The following RALGAPA1 variants were observed in gnomAD, a reference collection of about 807,000 sequenced individuals.
RALGAPA1 encodes Ral GTPase activating protein catalytic subunit alpha 1, also known as ral GTPase-activating protein subunit alpha-1.
Under a neutral mutation model 269.6 loss-of-function variants are expected in RALGAPA1, and 52 were observed. That is an observed-to-expected ratio of 0.19 (90% CI 0.15 to 0.24). The LOEUF (loss-of-function observed/expected upper bound fraction) is 0.24. Among genes scored for constraint, RALGAPA1 ranks in the 10% least tolerant of loss-of-function variants. The pLI is 1.00. For synonymous variants in RALGAPA1, 817 were observed against 1,008.3 expected, an observed-to-expected ratio of 0.81 and a Z score of 3.60; for missense variants, 1,917 against 3,013.9, an observed-to-expected ratio of 0.64 and a Z score of 8.52.
intron 18 of RALGAPA1, among the ~76,000 whole-genome samples, chr14:35,688,002 T>C (rs1312680823): frequency 6.6e-6 from 1 of 151,364 alleles, no homozygotes. Context: ...AAATAATTTC[T>C]ATCAAGAAAA....
At position 35,713,211 on chromosome 14, in the gene RALGAPA1, A is replaced by T. The variant is rs184738570; in HGVS notation, c.2266+8477T>A. Among the ~76,000 whole-genome samples, 247 of 152,350 alleles carry T rather than the reference A, an allele frequency of 1.6e-3. 4 individuals are homozygous for T. The highest frequency in any genetic ancestry group is 5.6e-3 in the African/African-American group (234 of 41,582). Reference sequence around the variant, plus strand: ...TGCAGCAATGTAGATGTAGTGGTGTACTGGACCAAGATAGCAGCAGTGAAA... The same window carrying T: ...TGCAGCAATGTAGATGTAGTGGTGTTCTGGACCAAGATAGCAGCAGTGAAA... On this transcript the variant is annotated intron_variant, in intron 16 of 41. Coordinates refer to ENST00000680220, the MANE Select transcript of RALGAPA1 (RefSeq NM_001346249.2).
chr14:35,592,048 C>CAGTTTTTTTTTTTATAAAT (rs2058671836), intron 37 of RALGAPA1, among the ~76,000 whole-genome samples: 1 of 152,178 alleles, frequency 6.6e-6, no homozygotes, highest in South Asian at 2.1e-4. Context: ...GAGTCAATTA[C>CAGTTTTTTTTTTTATAAAT]ACCTCTTTTG....
At chr14:35,680,657 C>A (rs188122820) in intron 21 of RALGAPA1, among the ~76,000 whole-genome samples, 2 of 152,054 alleles carry the variant, frequency 1.3e-5, no homozygotes, top group East Asian at 3.9e-4. Context: ...CTTTGTCCCC[C>A]AGGCTGGAGT....
intron 13 of RALGAPA1, 39 bp downstream of exon 13, chr14:35,728,323 A>G: frequency 6.7e-7 from 1 of 1,487,614 alleles, no homozygotes; most frequent in Non-Finnish European, 8.9e-7. Context: ...TGTGTACACA[A>G]TAAAAACACA....
intron 37 of RALGAPA1, among the ~76,000 whole-genome samples, chr14:35,576,226 G>A (rs534936763): frequency 1.3e-5 from 2 of 152,156 alleles, no homozygotes; most frequent in Admixed American, 6.5e-5. Flanking sequence ...ACCCACAGTG[G>A]GGCTGTTTCT....
At chr14:35,707,433 CTG>C (rs898401023) in intron 16 of RALGAPA1, 5 of 152,028 alleles carry the variant, frequency 3.3e-5, no homozygotes, top group African/African-American at 1.2e-4. Flanking sequence ...GTAAGTTGTC[CTG>C]TGTTTTTATT....
chr14:35,697,754 A>G (rs919305840), intron 17 of RALGAPA1, among the ~76,000 whole-genome samples: 1 of 151,980 alleles, frequency 6.6e-6, no homozygotes, highest in Non-Finnish European at 1.5e-5. Flanking sequence ...CATCTCCTGG[A>G]AAGTGTTCTA....
chr14:35,758,241 CT>C (rs1158240428), intron 6 of RALGAPA1, among the ~76,000 whole-genome samples: 1 of 79,804 alleles, frequency 1.3e-5, no homozygotes, highest in East Asian at 4.9e-4. Flanking sequence ...AAGACTCTGT[CT>C]CAAAAAAAAA....
intron 41 of RALGAPA1, chr14:35,542,383 T>C (rs1201205423): frequency 6.3e-6 from 1 of 158,532 alleles, no homozygotes; most frequent in Non-Finnish European, 1.4e-5. Flanking sequence ...CTCTACATTA[T>C]GGCAAACTCA....
At chr14:35,698,391 C>T (rs1460024393) in intron 17 of RALGAPA1, among the ~76,000 whole-genome samples, 2 of 152,112 alleles carry the variant, frequency 1.3e-5, no homozygotes, top group African/African-American at 4.8e-5. Flanking sequence ...TAGCACTTAA[C>T]ATGAATATTT....
At chr14:35,762,907 G>T (rs1462278161) in intron 4 of RALGAPA1, among the ~76,000 whole-genome samples, 154 bp from the exon 5 acceptor site, 1 of 152,210 alleles carries the variant, frequency 6.6e-6, no homozygotes, top group South Asian at 2.1e-4. Context: ...CTTGGGATCA[G>T]AAGGGCATAT....
chr14:35,555,393 G>C (rs2055506516), intron 39 of RALGAPA1, among the ~76,000 whole-genome samples: 3 of 151,734 alleles, frequency 2.0e-5, no homozygotes, highest in Admixed American at 2.0e-4. Context: ...CATTTATAGA[G>C]AAGGGAAAAA....
intron 31 of RALGAPA1, among the ~76,000 whole-genome samples, chr14:35,645,873 C>A (rs532496594): frequency 1.3e-5 from 2 of 152,104 alleles, no homozygotes; most frequent in East Asian, 1.9e-4. Flanking sequence ...AGGGAAAGCA[C>A]AAAGTGAGTC....
At chr14:35,738,060 C>T (rs2071192968) in intron 12 of RALGAPA1, among the ~76,000 whole-genome samples, 1 of 151,166 alleles carries the variant, frequency 6.6e-6, no homozygotes, top group Admixed American at 6.6e-5. Context: ...TGCACTCCAG[C>T]CTGGGCAACA....
At chr14:35,655,534 T>C (rs2063121827) in intron 29 of RALGAPA1, among the ~76,000 whole-genome samples, 1 of 152,032 alleles carries the variant, frequency 6.6e-6, no homozygotes, top group African/African-American at 2.4e-5. Flanking sequence ...ATGTTTTAAA[T>C]GGTGGGTTTC....
At position 35,764,608 on chromosome 14, in the gene RALGAPA1, TG is replaced by T. The variant is rs1280132188; in HGVS notation, c.326-1856del. Among the ~76,000 whole-genome samples the T allele has an allele frequency of 3.3e-5, 5 of 152,190 alleles. No individual in the cohort carries two copies. The East Asian group carries it at 9.7e-4, about 29-fold the overall frequency. On this transcript the variant is annotated intron_variant, in intron 4 of 41. Coordinates refer to ENST00000680220, the MANE Select transcript of RALGAPA1 (RefSeq NM_001346249.2). ...TCACCCAGGCTAGAGTGCAGTGGCA[TG>T]ATCATGGCTCATTGTAGCCTTGACC...
At chr14:35,562,056 T>A (rs959484582) in intron 39 of RALGAPA1, among the ~76,000 whole-genome samples, 1 of 152,206 alleles carries the variant, frequency 6.6e-6, no homozygotes, top group Non-Finnish European at 1.5e-5. Flanking sequence ...ACATCTTAGT[T>A]AAAAATCAAT....
At chr14:35,741,016 C>G (rs903039213) in intron 11 of RALGAPA1, among the ~76,000 whole-genome samples, 1 of 152,160 alleles carries the variant, frequency 6.6e-6, no homozygotes, top group African/African-American at 2.4e-5. Context: ...AACCACATCT[C>G]TAATGGCAGC....
intron 37 of RALGAPA1, among the ~76,000 whole-genome samples, chr14:35,593,065 CTTTAT>C (rs1232188759): frequency 6.6e-6 from 1 of 152,092 alleles, no homozygotes; most frequent in African/African-American, 2.4e-5. Context: ...GTGAAATTAT[CTTTAT>C]TTGCAGATGA....
Sources: gnomAD v4.1 joint callset for allele counts (sites outside exome capture counted in the v4.1 genomes callset) on GRCh38, gnomAD v4.1.1 for gene constraint, MANE v1.5 for transcripts, NCBI Gene and HGNC (gene_info 2026-07-23, HGNC 2026-07-21) for gene names.